The following NPFFR2 variants were observed in gnomAD, a reference collection of about 807,000 sequenced individuals.
NPFFR2 encodes the protein neuropeptide FF receptor 2.
NPFFR2 carries 15 observed loss-of-function variants against 13.1 expected under a neutral mutation model. The observed-to-expected ratio is 1.15, with a 90% CI of 0.77 to 1.76. The LOEUF (loss-of-function observed/expected upper bound fraction) is 1.76, where lower values mean the gene tolerates loss of function less well. Among genes scored for constraint, NPFFR2 ranks in the 40% most tolerant of loss-of-function variants. The pLI is 0.00. For missense variants in NPFFR2, 572 were observed against 503.5 expected (o/e 1.14, Z -1.30); for synonymous variants, 190 against 175.7 (o/e 1.08, Z -0.65).
At chr4:72,112,509 C>G (rs1165754249) in intron 1 of NPFFR2, among the ~76,000 whole-genome samples, 1 of 151,950 alleles carries the variant, frequency 6.6e-6, no homozygotes, top group Admixed American at 6.6e-5. Context: ...CCTAAATATT[C>G]CCTTGGTTTC....
chr4:72,141,665 G>A (rs934087168), intron 3 of NPFFR2, among the ~76,000 whole-genome samples: 1 of 152,182 alleles, frequency 6.6e-6, no homozygotes, highest in African/African-American at 2.4e-5. Context: ...TTGCTGAGGA[G>A]TGCTTTACTT....
intron 3 of NPFFR2, among the ~76,000 whole-genome samples, chr4:72,142,601 T>C (rs1560424894): frequency 6.6e-6 from 1 of 152,172 alleles, no homozygotes; most frequent in Non-Finnish European, 1.5e-5. Flanking sequence ...AAAAGCAACA[T>C]ACCTACTAAA....
intron 1 of NPFFR2, among the ~76,000 whole-genome samples, chr4:72,077,101 T>TA (rs1183765625): frequency 7.9e-5 from 12 of 152,160 alleles, no homozygotes; most frequent in Admixed American, 7.9e-4. Context: ...AAATAGTCTT[T>TA]AAAAAATCTT....
chr4:72,106,784 T>C (rs970935069), intron 1 of NPFFR2, among the ~76,000 whole-genome samples: 1 of 152,014 alleles, frequency 6.6e-6, no homozygotes, highest in Non-Finnish European at 1.5e-5. Context: ...ATTATTAGGC[T>C]GAACAAATTC....
At position 72,049,779 on chromosome 4, in the gene NPFFR2, A is replaced by G. The variant is rs374826300; in HGVS notation, c.-8+17579A>G. Among the ~76,000 whole-genome samples, 60 of 151,494 alleles carry G rather than the reference A, an allele frequency of 4.0e-4. No homozygotes were observed. The South Asian group carries it at 0.012, about 30-fold the overall frequency. Reference sequence around the variant, plus strand: ...CCCAGCTCCTGGCCAGACCTCCTGAAACTCTTGTAAGTGCTAGTGATAAGA... The same window carrying G: ...CCCAGCTCCTGGCCAGACCTCCTGAGACTCTTGTAAGTGCTAGTGATAAGA... On this transcript the variant is annotated intron_variant, in intron 1 of 3. Coordinates refer to ENST00000308744, the MANE Select transcript of NPFFR2 (RefSeq NM_004885.3).
At chr4:72,072,373 A>T (rs1021328331) in intron 1 of NPFFR2, among the ~76,000 whole-genome samples, 1 of 152,066 alleles carries the variant, frequency 6.6e-6, no homozygotes, top group Admixed American at 6.6e-5. Context: ...AGAGACAGAA[A>T]ACCTAAAAAG....
intron 1 of NPFFR2, among the ~76,000 whole-genome samples, chr4:72,036,884 C>T (rs72651431): frequency 0.33 from 50,826 of 151,838 alleles, 8,947 homozygotes; most frequent in East Asian, 0.67. Context: ...GGACAAATTT[C>T]GATTAAGTGC....
At chr4:72,131,889 G>T (rs1722253645) in intron 2 of NPFFR2, among the ~76,000 whole-genome samples, 1 of 151,536 alleles carries the variant, frequency 6.6e-6, no homozygotes, top group South Asian at 2.1e-4. Flanking sequence ...ATTCAAAGGG[G>T]TATTATAGGA....
At chr4:72,136,470 G>A (rs187218851) in intron 2 of NPFFR2, among the ~76,000 whole-genome samples, 14 of 152,232 alleles carry the variant, frequency 9.2e-5, no homozygotes, top group East Asian at 3.9e-4. Context: ...GAGGCATAGC[G>A]TGGCTGCCTG....
At chr4:72,098,595 C>T (rs1203369949) in intron 1 of NPFFR2, among the ~76,000 whole-genome samples, 1 of 152,188 alleles carries the variant, frequency 6.6e-6, no homozygotes, top group African/African-American at 2.4e-5. Flanking sequence ...CACCCCTGCT[C>T]TAGTGAGTAA....
At chr4:72,067,512 A>G (rs1421451599) in intron 1 of NPFFR2, among the ~76,000 whole-genome samples, 1 of 152,172 alleles carries the variant, frequency 6.6e-6, no homozygotes, top group Admixed American at 6.5e-5. Flanking sequence ...TCTCTTGGGT[A>G]TACCGTTGGT....
At chr4:72,097,275 T>A (rs1721100983) in intron 1 of NPFFR2, among the ~76,000 whole-genome samples, 1 of 152,140 alleles carries the variant, frequency 6.6e-6, no homozygotes, top group Non-Finnish European at 1.5e-5. Flanking sequence ...TTAGAAAATG[T>A]GTGAAATTGA....
chr4:72,080,862 C>G (rs891302055), intron 1 of NPFFR2, among the ~76,000 whole-genome samples: 1 of 149,054 alleles, frequency 6.7e-6, no homozygotes, highest in Non-Finnish European at 1.5e-5. Flanking sequence ...TTCCTCTACT[C>G]CACCAGCTCT....
chr4:72,077,098 C>T (rs1014784870), intron 1 of NPFFR2, among the ~76,000 whole-genome samples: 4 of 152,114 alleles, frequency 2.6e-5, no homozygotes, highest in African/African-American at 9.7e-5. Flanking sequence ...ATAAAATAGT[C>T]TTTAAAAAAT....
intron 1 of NPFFR2, chr4:72,068,922 G>C: frequency 8.0e-7 from 1 of 1,255,112 alleles, no homozygotes; most frequent in Non-Finnish European, 1.1e-6. Flanking sequence ...GGTCTCCTCA[G>C]TTGCGAAATT....
rs190291864 is a variant in NPFFR2, at chr4:72,091,892, G to A, written c.-7-36693G>A. 5.1e-3 allele frequency among the ~76,000 whole-genome samples: 782 copies of A among 151,900 alleles called. 9 individuals are homozygous for A. Among genetic ancestry groups the A allele is most frequent in the African/African-American group, 0.018 (727 of 41,488 alleles). The stretch of plus-strand genomic sequence containing the variant: ...CTTCTGCTGGGTTTGGTTTTGGTTT[G>A]TTTTTGTTTCTCTAGCTCCTTGAGG... On this transcript the variant is annotated intron_variant, in intron 1 of 3. Coordinates refer to ENST00000308744, the MANE Select transcript of NPFFR2 (RefSeq NM_004885.3).
chr4:72,081,015 G>C (rs753664677), intron 1 of NPFFR2, among the ~76,000 whole-genome samples: 4 of 152,080 alleles, frequency 2.6e-5, no homozygotes, highest in Non-Finnish European at 4.4e-5. Flanking sequence ...AGCTCAACTT[G>C]CTTGTCTACT....
intron 1 of NPFFR2, among the ~76,000 whole-genome samples, chr4:72,058,298 C>T (rs2109772064): frequency 6.6e-6 from 1 of 151,558 alleles, no homozygotes; most frequent in African/African-American, 2.4e-5. Flanking sequence ...GTAAATATGG[C>T]AAAGTGTGAA....
At chr4:72,103,412 G>A (rs28368851) in intron 1 of NPFFR2, among the ~76,000 whole-genome samples, 749 of 152,218 alleles carry the variant, frequency 4.9e-3, no homozygotes, top group Middle Eastern at 0.014. Context: ...GTGATGACAC[G>A]GGAAGAAGGC....
Sources: allele counts gnomAD v4.1 joint callset (sites outside exome capture counted in the v4.1 genomes callset), GRCh38; gene constraint gnomAD v4.1.1; transcripts MANE v1.5; gene names NCBI Gene and HGNC (gene_info 2026-07-23, HGNC 2026-07-21).